CDS2: variants seen among roughly 807,000 people sequenced by gnomAD.
CDS2 encodes the protein CDP-diacylglycerol synthase 2.
A neutral mutation model predicts 59.0 loss-of-function variants in CDS2; 47 were observed. The ratio of observed to expected loss-of-function variants is 0.80; its 90% CI spans 0.63 to 1.02. The LOEUF is 1.02. CDS2 is among the 50% of genes least tolerant of loss of function. The pLI is 0.00. For synonymous variants in CDS2, 207 were observed against 206.4 expected (o/e 1.00, Z -0.02); for missense variants, 356 against 558.9 (o/e 0.64, Z 3.66).
Position 5,186,818 on chromosome 20 carries a change from G to A in CDS2, c.960G>A (p.Val320=). The A allele has an allele frequency of 6.2e-7, 1 of 1,614,156 alleles. No homozygotes were observed. Among genetic ancestry groups the A allele is most frequent in the Non-Finnish European group, 8.5e-7 (1 of 1,180,024 alleles). ...FRLQEYNIPG[V]IQSVIGWKTV... ...TGCAGGAGTACAACATTCCTGGGGTGATCCAGTCAGTCATTGGCTGGGTAT... is the reference window on the plus strand; with the variant it reads ...TGCAGGAGTACAACATTCCTGGGGTAATCCAGTCAGTCATTGGCTGGGTAT... The change falls in exon 10 of 13, where the codon GTG becomes GTA. Residue 320 remains valine, a synonymous_variant. Transcript: ENST00000460006.
At chr20:5,142,314 G>T (rs974872156) in intron 1 of CDS2, among the ~76,000 whole-genome samples, 1 of 152,080 alleles carries the variant, frequency 6.6e-6, no homozygotes, top group African/African-American at 2.4e-5. Context: ...TGGCATGATG[G>T]TGCATGCCTG....
chr20:5,163,686 A>C (rs115547640), intron 1 of CDS2, among the ~76,000 whole-genome samples: 2,292 of 152,234 alleles, frequency 0.015, 61 homozygotes, highest in African/African-American at 0.051. Context: ...GTTTCTTCAA[A>C]GACTTTCTCA....
intron 1 of CDS2, among the ~76,000 whole-genome samples, chr20:5,171,763 T>C (rs1289626584): frequency 6.6e-6 from 1 of 152,160 alleles, no homozygotes; most frequent in Non-Finnish European, 1.5e-5. Flanking sequence ...CCTTACCTTA[T>C]ATAAGGTGAA....
chr20:5,190,249 C>A lies in CDS2; in HGVS notation c.*15C>A. 4 of 1,610,666 alleles carry A rather than the reference C, an allele frequency of 2.5e-6. No individual in the cohort carries two copies. Among genetic ancestry groups the A allele is most frequent in the Non-Finnish European group, 3.4e-6 (4 of 1,178,272 alleles). ...AGGACGAGTAGGGGCCACCCAGGGC[C>A]AGGAGAACAGGAACAGAACTGAGCA... On this transcript the variant is annotated 3_prime_UTR_variant, in exon 13 of 13. Transcript: ENST00000460006.
chr20:5,176,646 A>T lies in CDS2; in HGVS notation c.292-2A>T. 6.2e-7 allele frequency: 1 copy of T among 1,611,630 alleles called. No individual in the cohort carries two copies. The highest frequency in any genetic ancestry group is 8.5e-7 in the Non-Finnish European group (1 of 1,177,732). On this transcript the variant is annotated splice_acceptor_variant, in intron 3 of 12. Transcript: ENST00000460006. LOFTEE classifies it high-confidence loss of function. ...TGTCAGTGAATGTTTTGTGTCCCGCAGGTGATGTGCGTTCAGATTAAGTGT... is the reference window on the plus strand; with the variant it reads ...TGTCAGTGAATGTTTTGTGTCCCGCTGGTGATGTGCGTTCAGATTAAGTGT...
chr20:5,130,139 A>T, intron 1 of CDS2, among the ~76,000 whole-genome samples: 1 of 151,364 alleles, frequency 6.6e-6, no homozygotes, highest in East Asian at 2.0e-4. Context: ...CGACTGGCTA[A>T]TTTTTTTGTG....
chr20:5,182,279 A>G, intron 5 of CDS2, 108 bp from the exon 6 acceptor site: 1 of 862,222 alleles, frequency 1.2e-6, no homozygotes, highest in Non-Finnish European at 1.8e-6. Context: ...TGCACTGGTT[A>G]GCTGCTGGGA....
At chr20:5,187,106 T>TGGGGGGGTTGGGGG in intron 10 of CDS2, 1 of 158,100 alleles carries the variant, frequency 6.3e-6, no homozygotes, top group Non-Finnish European at 1.3e-5. Flanking sequence ...GGGGGTAGGG[T>TGGGGGGGTTGGGGG]GGGGGGGTCT....
chr20:5,168,288 A>C (rs2090927506), intron 1 of CDS2, among the ~76,000 whole-genome samples: 1 of 150,608 alleles, frequency 6.6e-6, no homozygotes. Context: ...GTTGGCGGGC[A>C]CTTGTAATCC....
intron 1 of CDS2, among the ~76,000 whole-genome samples, chr20:5,160,955 T>G (rs1469563752): frequency 6.6e-6 from 1 of 152,258 alleles, no homozygotes; most frequent in Non-Finnish European, 1.5e-5. Context: ...CCTTTGTTGA[T>G]AGATACTTGG....
In CDS2 at chr20:5,191,813, C is replaced by G. The variant is rs1006988453; in HGVS notation, c.*1579C>G. 2 of 152,222 alleles carry G rather than the reference C, an allele frequency of 1.3e-5. No individual in the cohort carries two copies. The highest frequency in any genetic ancestry group is 4.8e-5 in the African/African-American group (2 of 41,458). The allele number at this position is 152,222 out of a possible 1,614,324, so 9.4% of individuals were successfully genotyped here. A position where few individuals can be genotyped will look rare whatever the true frequency, so the allele number is the denominator to read the frequency against. ...TTTCCATTTCAGCCTCGTGGCTTCT[C>G]TTATTCAGGTCCAAGGCCCCTTAAA... is the stretch of plus-strand genomic sequence containing the variant. On this transcript the variant is annotated 3_prime_UTR_variant, in exon 13 of 13. Coordinates refer to ENST00000460006, the MANE Select transcript of CDS2 (RefSeq NM_003818.4).
At chr20:5,170,683 T>A (rs912422378) in intron 1 of CDS2, among the ~76,000 whole-genome samples, 4 of 152,204 alleles carry the variant, frequency 2.6e-5, no homozygotes, top group African/African-American at 9.6e-5. Context: ...GCTTCCTCAG[T>A]AGGCCCGGCT....
chr20:5,168,526 A>G (rs2090931179), intron 1 of CDS2: 3 of 492,722 alleles, frequency 6.1e-6, no homozygotes, highest in Non-Finnish European at 1.2e-5. Flanking sequence ...CTCTCTAGCC[A>G]TGGGCACAGC....
intron 1 of CDS2, among the ~76,000 whole-genome samples, chr20:5,147,378 T>C (rs1384284639): frequency 2.0e-5 from 3 of 152,160 alleles, no homozygotes; most frequent in Non-Finnish European, 2.9e-5. Context: ...GGAACTGTTT[T>C]GTAGGTTTGG....
intron 1 of CDS2, 25 bp downstream of exon 1, chr20:5,127,174 C>G: frequency 6.8e-7 from 1 of 1,477,780 alleles, no homozygotes; most frequent in East Asian, 3.0e-5. Flanking sequence ...GGGGTGGGCG[C>G]GGCCGGGACA....
At chr20:5,181,685 G>T (rs776767745) in intron 5 of CDS2, among the ~76,000 whole-genome samples, 2 of 152,172 alleles carry the variant, frequency 1.3e-5, no homozygotes, top group Non-Finnish European at 2.9e-5. Flanking sequence ...AAACATTGTA[G>T]AGTGTACTTA....
At chr20:5,135,095 A>G (rs1223812044) in intron 1 of CDS2, among the ~76,000 whole-genome samples, 2 of 152,066 alleles carry the variant, frequency 1.3e-5, no homozygotes, top group Non-Finnish European at 2.9e-5. Flanking sequence ...ATTTATATAT[A>G]TAAATATATA....
rs1201409182 is a variant in CDS2 at position 5,184,445 on chromosome 20, A to G, written c.672-413A>G. Among the ~76,000 whole-genome samples the G allele has an allele frequency of 6.6e-6, 1 of 152,248 alleles. No homozygotes were observed. The highest frequency in any genetic ancestry group is 2.4e-5 in the African/African-American group (1 of 41,462). Reference sequence around the variant, plus strand: ...AAAGAGTCATTAAAGCATACTATTTAGAATTGGGGAGGTAACCACTAGAAA... The same window carrying G: ...AAAGAGTCATTAAAGCATACTATTTGGAATTGGGGAGGTAACCACTAGAAA... On this transcript the variant is annotated intron_variant, in intron 7 of 12. Coordinates refer to ENST00000460006, the MANE Select transcript of CDS2 (RefSeq NM_003818.4). This position sits in a 1 kb window ranked among gnomAD's most constrained non-coding sequence, Gnocchi z 4.3.
intron 1 of CDS2, among the ~76,000 whole-genome samples, chr20:5,170,598 G>A (rs2090949164): frequency 6.6e-6 from 1 of 152,234 alleles, no homozygotes; most frequent in Non-Finnish European, 1.5e-5. Flanking sequence ...TTTGCCGTTG[G>A]CACCTGTTCG....
Sources: allele counts gnomAD v4.1 joint callset (sites outside exome capture counted in the v4.1 genomes callset), GRCh38; gene constraint gnomAD v4.1.1; non-coding constraint Gnocchi (gnomAD v3.1); transcripts MANE v1.5; gene names NCBI Gene and HGNC (gene_info 2026-07-23, HGNC 2026-07-21).